Variants in FSIP2 observed in about 807,000 individuals in gnomAD.
The protein encoded by FSIP2 is fibrous sheath-interacting protein 2.
FSIP2 carries 367 observed loss-of-function variants against 510.5 expected under a neutral mutation model. That is an observed-to-expected ratio of 0.72 (90% CI 0.66 to 0.78). The LOEUF is 0.78. FSIP2 is among the 30% of genes least tolerant of loss of function. The pLI is 0.00. For synonymous variants in FSIP2, 2,601 were observed against 2,732.2 expected (o/e 0.95, Z 1.50); for missense variants, 7,594 against 7,901.7 (o/e 0.96, Z 1.48).
chr2:185,805,477 G>A lies in FSIP2; in HGVS notation c.16171G>A (p.Ala5391Thr), dbSNP rs760502781. The A allele has an allele frequency of 6.2e-7, 1 of 1,611,598 alleles. No homozygotes were observed. The highest frequency in any genetic ancestry group is 2.2e-5 in the East Asian group (1 of 44,782). Residue 5391 changes from alanine to threonine, a missense_variant, in exon 17 of 23, where the codon GCA becomes ACA. Coordinates refer to ENST00000424728, the MANE Select transcript of FSIP2 (RefSeq NM_173651.4). ...IAALTQKAIS[A>T]FRIQPLFSGD... ...TGCTCTAACCCAGAAGGCAATATCT[G>A]CATTCAGGATTCAACCACTTTTTTC...
In FSIP2 at chr2:185,808,903, G is replaced by C; in HGVS notation, c.19597G>C (p.Asp6533His). 1 of 1,605,290 alleles carries C rather than the reference G, an allele frequency of 6.2e-7. No individual in the cohort carries two copies. The highest frequency in any genetic ancestry group is 8.5e-7 in the Non-Finnish European group (1 of 1,177,506). Residue 6533 changes from aspartate (D) to histidine (H), a missense_variant, in exon 17 of 23, where the codon GAT becomes CAT. Physicochemically the swap from Asp to His is moderately conservative, Grantham distance 81. Coordinates refer to ENST00000424728, the MANE Select transcript of FSIP2 (RefSeq NM_173651.4). ...TGTTGGAAAAAAACCAGTCAAAATAGATCCAAAAATTATTTCAGAACACTT... is the reference window on the plus strand; with the variant it reads ...TGTTGGAAAAAAACCAGTCAAAATACATCCAAAAATTATTTCAGAACACTT... Reference protein sequence around the residue: ...PHVGKKPVKIDPKIISEHLAV... With the variant: ...PHVGKKPVKIHPKIISEHLAV...
chr2:185,765,446 A>G (rs2105564626), intron 13 of FSIP2: 1 of 152,108 alleles, frequency 6.6e-6, no homozygotes, highest in South Asian at 2.1e-4. Context: ...CAAAGATCAG[A>G]TAGTTGTAGA....
At chr2:185,754,212 G>GA (rs923139347) in intron 8 of FSIP2, among the ~76,000 whole-genome samples, 9 of 150,278 alleles carry the variant, frequency 6.0e-5, no homozygotes, top group Non-Finnish European at 1.0e-4. Context: ...ACAGAATTAG[G>GA]AAAAAAAAGA....
chr2:185,753,605 C>G (rs1052470736), intron 7 of FSIP2, 117 bp from the exon 8 acceptor site: 1 of 503,002 alleles, frequency 2.0e-6, no homozygotes, highest in Non-Finnish European at 3.4e-6. Context: ...TGTACCATTA[C>G]AAATCAAGAC....
At position 185,796,771 on chromosome 2, in the gene FSIP2, C is replaced by T. The variant is rs1312851872; in HGVS notation, c.9635C>T (p.Ser3212Phe). 1.3e-6 allele frequency: 2 copies of T among 1,535,048 alleles called. No homozygotes were observed. The highest frequency in any genetic ancestry group is 4.9e-5 in the East Asian group (2 of 40,856). Residue 3212 changes from serine (S) to phenylalanine (F), a missense_variant, in exon 16 of 23, where the codon TCC (serine) becomes TTC (phenylalanine). Physicochemically the swap from Ser to Phe is radical, Grantham distance 155. Coordinates refer to ENST00000424728, the MANE Select transcript of FSIP2 (RefSeq NM_173651.4). ...TCAGATTTACCCACCTCTGTCAGAT[C>T]CTCTGTAGAAGACACAGTTAAAAAC... Reference protein sequence around the residue: ...VSSDLPTSVRSSVEDTVKNSE... With the variant: ...VSSDLPTSVRFSVEDTVKNSE...
At chr2:185,764,653 T>C in intron 13 of FSIP2, 88 bp downstream of exon 13, 1 of 936,126 alleles carries the variant, frequency 1.1e-6, no homozygotes, top group Non-Finnish European at 1.6e-6. Flanking sequence ...TCATGTTAGA[T>C]ATGGTGCTAA....
chr2:185,806,027 A>AT lies in FSIP2; in HGVS notation c.16722dup (p.Lys5575Ter). On this transcript the variant is annotated frameshift_variant, in exon 17 of 23. Transcript: ENST00000424728. LOFTEE classifies it high-confidence loss of function. ...AAGAAAAGAAATTTAATTCCAACAG[A>AT]TAAAAAAGGGAAAGATGATGAGATA... The AT allele has an allele frequency of 6.4e-7, 1 of 1,555,650 alleles. No homozygotes were observed. The highest frequency in any genetic ancestry group is 2.2e-5 in the East Asian group (1 of 44,534).
rs756475076 is a variant in FSIP2, at chr2:185,806,741, G to A, written c.17435G>A (p.Cys5812Tyr). 3 of 1,611,268 alleles carry A rather than the reference G, an allele frequency of 1.9e-6. No individual in the cohort carries two copies. Among genetic ancestry groups the A allele is most frequent in the Non-Finnish European group, 2.5e-6 (3 of 1,178,508 alleles). The change falls in exon 17 of 23, where the codon TGT becomes TAT. Residue 5812 changes from cysteine (C) to tyrosine (Y), a missense_variant. Cys to Tyr is a radical substitution (Grantham distance 194, BLOSUM62 -2). Transcript: ENST00000424728. Reference sequence around the variant, plus strand: ...CCAGAAACACAAATACAAGATAGATGTCAAAATGTTAGTGATAAGCAAAAT... The same window carrying A: ...CCAGAAACACAAATACAAGATAGATATCAAAATGTTAGTGATAAGCAAAAT... ...SIPETQIQDRCQNVSDKQNQA... is the reference protein window; with the variant it reads ...SIPETQIQDRYQNVSDKQNQA...
At chr2:185,738,162 A>G, upstream of FSIP2, 1 of 172,742 alleles carries the variant, frequency 5.8e-6, no homozygotes, top group Non-Finnish European at 1.3e-5. Context: ...AGCTTCTTAC[A>G]GTCAGGGGCC....
At chr2:185,760,912 T>C in intron 9 of FSIP2, 76 bp from the exon 10 acceptor site, 1 of 499,254 alleles carries the variant, frequency 2.0e-6, no homozygotes, top group Non-Finnish European at 3.4e-6. Flanking sequence ...ATACAATTTA[T>C]TGTACTTTGA....
intron 10 of FSIP2, 47 bp downstream of exon 10, chr2:185,761,150 C>G: frequency 2.7e-6 from 2 of 748,068 alleles, no homozygotes; most frequent in Non-Finnish European, 2.1e-6. Flanking sequence ...ATTAATTTAT[C>G]TACTTAACTT....
At position 185,786,308 on chromosome 2, in the gene FSIP2, C is replaced by T; in HGVS notation, c.1506+20C>T. On this transcript the variant is annotated intron_variant, in intron 15 of 22. Coordinates refer to ENST00000424728, the MANE Select transcript of FSIP2 (RefSeq NM_173651.4). ...GAAAAAGTATGTATCATAAAATCCA[C>T]CGAGAAAGCAACATATTAGTCATAC... is the stretch of plus-strand genomic sequence containing the variant. 1 of 1,497,448 alleles carries T rather than the reference C, an allele frequency of 6.7e-7. No individual in the cohort carries two copies. Among genetic ancestry groups the T allele is most frequent in the Non-Finnish European group, 8.9e-7 (1 of 1,117,336 alleles). The allele number at this position is 1,497,448 out of a possible 1,614,324, so 92.8% of individuals were successfully genotyped here. A position where few individuals can be genotyped will look rare whatever the true frequency, so the allele number is the denominator to read the frequency against.
chr2:185,751,184 T>A (rs1412832497), intron 7 of FSIP2, among the ~76,000 whole-genome samples: 2 of 151,536 alleles, frequency 1.3e-5, no homozygotes, highest in Non-Finnish European at 3.0e-5. Flanking sequence ...AAAGAGTTAT[T>A]AAAATCTCTG....
At chr2:185,742,374 A>T (rs1553492284) in intron 2 of FSIP2, among the ~76,000 whole-genome samples, 8 of 152,246 alleles carry the variant, frequency 5.3e-5, no homozygotes, top group Non-Finnish European at 1.2e-4. Context: ...CAGCAGATAT[A>T]AGAAACATGA....
chr2:185,791,218 T>A lies in FSIP2; in HGVS notation c.4082T>A (p.Ile1361Asn), dbSNP rs922994225. The A allele has an allele frequency of 6.5e-7, 1 of 1,533,758 alleles. No individual in the cohort carries two copies. The change falls in exon 16 of 23, where the codon ATT (isoleucine) becomes AAT (asparagine). Residue 1361 changes from isoleucine (I) to asparagine (N), a missense_variant. Coordinates refer to ENST00000424728, the MANE Select transcript of FSIP2 (RefSeq NM_173651.4). Reference sequence around the variant, plus strand: ...TTGGCGAGTCCATTATTAACCTGTATTTATGATATGTTGTTATCAAGTGAA... The same window carrying A: ...TTGGCGAGTCCATTATTAACCTGTAATTATGATATGTTGTTATCAAGTGAA... The part of the protein sequence containing the change: ...DILASPLLTC[I>N]YDMLLSSENA...
rs768218849 is a variant in FSIP2 at position 185,804,543 on chromosome 2, G to C, written c.15237G>C (p.Glu5079Asp). Residue 5079 changes from glutamate to aspartate, a missense_variant, in exon 17 of 23, where the codon GAG becomes GAC. By Grantham distance (45) the Glu-to-Asp change is conservative. Coordinates refer to ENST00000424728, the MANE Select transcript of FSIP2 (RefSeq NM_173651.4). ...QVQSLVSGEL[E>D]SSSYSYPQAD... ...AGTCATTAGTTTCAGGAGAATTAGA[G>C]TCTTCTTCTTATTCGTATCCCCAAG... is the stretch of plus-strand genomic sequence containing the variant. 6 of 1,523,552 alleles carry C rather than the reference G, an allele frequency of 3.9e-6. No homozygotes were observed. In the South Asian group the frequency reaches 6.1e-5, roughly 16 times the overall value. The allele number at this position is 1,523,552 out of a possible 1,614,324, so 94.4% of individuals were successfully genotyped here. A position where few individuals can be genotyped will look rare whatever the true frequency, so the allele number is the denominator to read the frequency against.
At chr2:185,770,960 T>C (rs1289206790) in intron 13 of FSIP2, among the ~76,000 whole-genome samples, 1 of 152,218 alleles carries the variant, frequency 6.6e-6, no homozygotes, top group Non-Finnish European at 1.5e-5. Context: ...ACATGCCCCA[T>C]GCAAATCTAA....
intron 19 of FSIP2, among the ~76,000 whole-genome samples, 181 bp from the exon 20 acceptor site, chr2:185,824,253 C>T (rs1693975179): frequency 6.6e-6 from 1 of 151,768 alleles, no homozygotes; most frequent in Non-Finnish European, 1.5e-5. Flanking sequence ...TGTATAACCA[C>T]AATTTTAAAA....
chr2:185,824,541 T>A, intron 20 of FSIP2, 61 bp downstream of exon 20: 1 of 986,284 alleles, frequency 1.0e-6, no homozygotes, highest in Non-Finnish European at 1.6e-6. Context: ...GTTTTTTTTT[T>A]AGTTATCAAA....
Sources: allele counts gnomAD v4.1 joint callset (sites outside exome capture counted in the v4.1 genomes callset), GRCh38; gene constraint gnomAD v4.1.1; transcripts MANE v1.5; gene names NCBI Gene and HGNC (gene_info 2026-07-23, HGNC 2026-07-21).